PUM1: variants seen among roughly 807,000 people sequenced by gnomAD.
PUM1 encodes the protein pumilio RNA binding family member 1.
Under a neutral mutation model 131.8 loss-of-function variants are expected in PUM1, and 13 were observed. That is an observed-to-expected ratio of 0.10 (90% CI 0.06 to 0.16). The LOEUF is 0.16. Ranked by LOEUF, PUM1 falls within the 10% of genes least tolerant of loss-of-function variation. The pLI is 1.00. For synonymous variants in PUM1, 509 were observed against 556.5 expected (o/e 0.91, Z 1.20); for missense variants, 961 against 1,512.4 (o/e 0.64, Z 6.05).
intron 10 of PUM1, 77 bp downstream of exon 10, chr1:30,974,574 T>G (rs1399000485): frequency 7.2e-7 from 1 of 1,380,046 alleles, no homozygotes; most frequent in Non-Finnish European, 9.7e-7. Context: ...GTTTTTCTAT[T>G]AGGCGCAATA....
At chr1:30,946,284 A>G (rs1420706930) in intron 17 of PUM1, among the ~76,000 whole-genome samples, 1 of 151,956 alleles carries the variant, frequency 6.6e-6, no homozygotes, top group Non-Finnish European at 1.5e-5. Flanking sequence ...AAGTGCTCAG[A>G]GCATTTACAG....
intron 15 of PUM1, among the ~76,000 whole-genome samples, chr1:30,952,672 AGCGGGGGGG>A (rs1446319372): frequency 9.5e-5 from 1 of 10,542 alleles, no homozygotes; most frequent in African/African-American, 2.8e-4. Context: ...GGAAGATGAA[AGCGGGGGGG>A]GCGGGGGGGG....
At chr1:31,003,949 G>A (rs1003850676) in intron 5 of PUM1, among the ~76,000 whole-genome samples, 5 of 152,174 alleles carry the variant, frequency 3.3e-5, no homozygotes, top group African/African-American at 1.2e-4. Flanking sequence ...CTGGAACACA[G>A]ATTTGGAGAA....
At chr1:31,031,144 C>G (rs1005308896) in intron 2 of PUM1, among the ~76,000 whole-genome samples, 4 of 120,240 alleles carry the variant, frequency 3.3e-5, no homozygotes, top group Non-Finnish European at 6.3e-5. Context: ...AGGATGTTAG[C>G]TAGGAACTCT....
At chr1:30,963,121 G>A (rs750089783) in intron 14 of PUM1, among the ~76,000 whole-genome samples, 15 of 152,172 alleles carry the variant, frequency 9.9e-5, no homozygotes, top group Non-Finnish European at 1.8e-4. Flanking sequence ...TAAGTCCTGA[G>A]ACACGAAATA....
At chr1:30,979,048 G>T (rs1641252556) in intron 9 of PUM1, among the ~76,000 whole-genome samples, 1 of 149,116 alleles carries the variant, frequency 6.7e-6, no homozygotes, top group Non-Finnish European at 1.5e-5. Flanking sequence ...AGGTTACAGT[G>T]AACTGTATTC....
In PUM1 at chr1:30,936,731, G is replaced by A. The variant is rs1462983076; in HGVS notation, c.3347C>T (p.Thr1116Ile). ...GTTGGCATACTGGTCCTTCATCATGGTGTATAAGGCACTGTGGGGACCGTC... is the reference window on the plus strand; with the variant it reads ...GTTGGCATACTGGTCCTTCATCATGATGTATAAGGCACTGTGGGGACCGTC... Reference protein sequence around the residue: ...MNDGPHSALYTMMKDQYANYV... With the variant: ...MNDGPHSALYIMMKDQYANYV... Residue 1116 changes from threonine (T) to isoleucine (I), a missense_variant, in exon 21 of 22, where the codon ACC (threonine) becomes ATC (isoleucine). Physicochemically the swap from Thr to Ile is moderately conservative, Grantham distance 89. Coordinates refer to ENST00000426105, the MANE Select transcript of PUM1 (RefSeq NM_001020658.2). The A allele has an allele frequency of 1.9e-6, 3 of 1,614,156 alleles. No homozygotes were observed. The highest frequency in any genetic ancestry group is 2.5e-6 in the Non-Finnish European group (3 of 1,180,014).
chr1:30,947,492 G>T (rs1376521230), intron 17 of PUM1, among the ~76,000 whole-genome samples: 2 of 152,230 alleles, frequency 1.3e-5, no homozygotes, highest in Non-Finnish European at 2.9e-5. Flanking sequence ...GGAAATGGGT[G>T]ATGGTGACAG....
chr1:30,968,564 G>A, intron 10 of PUM1, 72 bp from the exon 11 acceptor site: 2 of 1,491,368 alleles, frequency 1.3e-6, no homozygotes, highest in South Asian at 1.3e-5. Flanking sequence ...TGCTCAGGTT[G>A]GGTCAACTTT....
intron 1 of PUM1, among the ~76,000 whole-genome samples, chr1:31,064,977 AG>A (rs1418740941): frequency 2.0e-5 from 3 of 152,174 alleles, no homozygotes; most frequent in Admixed American, 6.5e-5. Flanking sequence ...AGGCTCAAAA[AG>A]GAAGAACCCA....
chr1:31,046,368 A>G (rs570782571), intron 2 of PUM1, among the ~76,000 whole-genome samples: 28 of 152,194 alleles, frequency 1.8e-4, no homozygotes, highest in Non-Finnish European at 3.8e-4. Flanking sequence ...CCTGGGCAAC[A>G]AGAGTGAAAC....
At chr1:31,057,997 G>A (rs757810015) in intron 2 of PUM1, among the ~76,000 whole-genome samples, 13 of 152,084 alleles carry the variant, frequency 8.5e-5, no homozygotes, top group Non-Finnish European at 1.8e-4. Flanking sequence ...AAGAAATCAG[G>A]AAACATGGAT....
chr1:30,935,871 C>T, intron 21 of PUM1: 1 of 336,438 alleles, frequency 3.0e-6, no homozygotes, highest in Non-Finnish European at 5.7e-6. Flanking sequence ...GGAGGCACTG[C>T]CCAGCACAAA....
chr1:31,013,694 G>A (rs770209669), intron 3 of PUM1, among the ~76,000 whole-genome samples: 1 of 152,156 alleles, frequency 6.6e-6, no homozygotes, highest in Non-Finnish European at 1.5e-5. Flanking sequence ...TCAGAGAAAG[G>A]ACCTTTCAGA....
In PUM1 at chr1:30,950,273, G is replaced by A; in HGVS notation, c.2722-12C>T. ...TCAAGACTGCCAAACTAGACATAAT[G>A]TGTGGGTAAACACCATTACTTAAGT... On this transcript the variant is annotated splice_polypyrimidine_tract_variant and intron_variant, in intron 16 of 21. Transcript: ENST00000426105. 1.2e-6 allele frequency: 2 copies of A among 1,611,130 alleles called. No individual in the cohort carries two copies. Among genetic ancestry groups the A allele is most frequent in the Middle Eastern group, 1.7e-4 (1 of 6,052 alleles).
At chr1:30,934,357 G>A (rs1639108081) in intron 21 of PUM1, among the ~76,000 whole-genome samples, 2 of 152,120 alleles carry the variant, frequency 1.3e-5, no homozygotes, top group Non-Finnish European at 2.9e-5. Context: ...ATACATAAAC[G>A]CACTGGATAA....
intron 2 of PUM1, among the ~76,000 whole-genome samples, chr1:31,041,181 T>C (rs1643802504): frequency 1.3e-5 from 2 of 151,854 alleles, no homozygotes; most frequent in African/African-American, 2.4e-5. Context: ...ATAATTAAAT[T>C]CAATTTTGAA....
intron 2 of PUM1, among the ~76,000 whole-genome samples, chr1:31,046,448 A>G (rs1643966868): frequency 6.6e-6 from 1 of 150,908 alleles, no homozygotes. Flanking sequence ...CATGAAGCGC[A>G]TTCCTCTGGA....
chr1:30,989,571 CAAAAA>C (rs1174565063), intron 7 of PUM1, among the ~76,000 whole-genome samples: 6 of 27,696 alleles, frequency 2.2e-4, no homozygotes, highest in African/African-American at 2.7e-4. Context: ...GACTCCGTCT[CAAAAA>C]AAAAAAAAAA....
Sources: gnomAD v4.1 joint callset for allele counts (sites outside exome capture counted in the v4.1 genomes callset) on GRCh38, gnomAD v4.1.1 for gene constraint, MANE v1.5 for transcripts, NCBI Gene and HGNC (gene_info 2026-07-23, HGNC 2026-07-21) for gene names.